The following CD38 variants were observed in gnomAD, a reference collection of about 807,000 sequenced individuals.
CD38 encodes the protein ADP-ribosyl cyclase/cyclic ADP-ribose hydrolase 1.
Under a neutral mutation model 36.3 loss-of-function variants are expected in CD38, and 31 were observed. The ratio of observed to expected loss-of-function variants is 0.85; its 90% CI spans 0.64 to 1.15. CD38 has a LOEUF of 1.15. CD38 is among the 50% of genes most tolerant of loss of function. CD38 has a pLI of 0.00. For missense variants in CD38, 380 were observed against 371.9 expected, an observed-to-expected ratio of 1.02 and a Z score of -0.18; for synonymous variants, 131 against 135.2, an observed-to-expected ratio of 0.97 and a Z score of 0.22.
intron 3 of CD38, chr4:15,825,428 A>T: frequency 5.4e-6 from 1 of 185,750 alleles, no homozygotes; most frequent in Non-Finnish European, 1.1e-5. Flanking sequence ...GTAAGAACTC[A>T]TTACTATAAG....
chr4:15,784,574 AG>A (rs1221041953), intron 1 of CD38, among the ~76,000 whole-genome samples: 2 of 152,166 alleles, frequency 1.3e-5, no homozygotes, highest in African/African-American at 4.8e-5. Context: ...CATTTTGCAC[AG>A]GACAGAATTC....
intron 5 of CD38, among the ~76,000 whole-genome samples, chr4:15,838,750 A>T (rs1012729470): frequency 6.6e-6 from 1 of 152,238 alleles, no homozygotes. Flanking sequence ...CATCTGTGTG[A>T]CCTCAGGCAG....
At chr4:15,807,194 G>A (rs1380424816) in intron 1 of CD38, among the ~76,000 whole-genome samples, 1 of 152,108 alleles carries the variant, frequency 6.6e-6, no homozygotes, top group Non-Finnish European at 1.5e-5. Flanking sequence ...AGATTTGGGG[G>A]AAAGGTTCAA....
chr4:15,799,710 G>A (rs1308092964), intron 1 of CD38, among the ~76,000 whole-genome samples: 1 of 152,186 alleles, frequency 6.6e-6, no homozygotes, highest in African/African-American at 2.4e-5. Flanking sequence ...ACAAGTTATT[G>A]TATGGACATA....
chr4:15,778,454 C>A lies in CD38; in HGVS notation c.40C>A (p.Pro14Thr), dbSNP rs746314417. 6.2e-7 allele frequency: 1 copy of A among 1,614,044 alleles called. No homozygotes were observed. Among genetic ancestry groups the A allele is most frequent in the Non-Finnish European group, 8.5e-7 (1 of 1,180,006 alleles). Reference protein sequence around the residue: ...CEFSPVSGDKPCCRLSRRAQL... With the variant: ...CEFSPVSGDKTCCRLSRRAQL... The stretch of plus-strand genomic sequence containing the variant: ...GTTCAGCCCGGTGTCCGGGGACAAA[C>A]CCTGCTGCCGGCTCTCTAGGAGAGC... Residue 14 changes from proline to threonine, a missense_variant, in exon 1 of 8, where the codon CCC becomes ACC. By Grantham distance (38) the Pro-to-Thr change is conservative. Transcript: ENST00000226279. The surrounding 1 kb of genome is among the most constrained non-coding windows in gnomAD (Gnocchi z 4.9).
rs762086977 is a variant in CD38 at position 15,778,574 on chromosome 4, G to A, written c.160G>A (p.Gly54Ser). ...PRWRQQWSGP[G>S]TTKRFPETVL... ...GTGGCGCCAGCAGTGGAGCGGTCCG[G>A]GCACCACCAAGCGCTTTCCCGAGAC... The change falls in exon 1 of 8, where the codon GGC (glycine) becomes AGC (serine). Residue 54 changes from glycine to serine, a missense_variant. By Grantham distance (56) the Gly-to-Ser change is moderately conservative. Coordinates refer to ENST00000226279, the MANE Select transcript of CD38 (RefSeq NM_001775.4). The surrounding 1 kb of genome is among the most constrained non-coding windows in gnomAD (Gnocchi z 4.9). The A allele has an allele frequency of 3.7e-6, 6 of 1,613,496 alleles. No homozygotes were observed. The highest frequency in any genetic ancestry group is 4.5e-5 in the East Asian group (2 of 44,872).
At chr4:15,831,531 G>A (rs1206036778) in intron 3 of CD38, among the ~76,000 whole-genome samples, 7 of 152,092 alleles carry the variant, frequency 4.6e-5, no homozygotes, top group African/African-American at 1.2e-4. Flanking sequence ...CAAGTTTGAA[G>A]GATATTTTCA....
chr4:15,838,222 A>C, intron 5 of CD38, 57 bp downstream of exon 5: 2 of 1,225,040 alleles, frequency 1.6e-6, no homozygotes, highest in Admixed American at 3.4e-5. Flanking sequence ...ATCACAGTGA[A>C]TATTTCATCT....
In CD38 at chr4:15,789,312, A is replaced by G. The variant is rs548924100; in HGVS notation, c.233+10665A>G. 3.9e-5 allele frequency among the ~76,000 whole-genome samples: 6 copies of G among 152,348 alleles called. No individual in the cohort carries two copies. In the South Asian group the frequency reaches 1.2e-3, roughly 32 times the overall value. ...TAGGGGAGACAGACATTGAAACAGA[A>G]AAATACATAGTATGGCAGATGGTGG... On this transcript the variant is annotated intron_variant, in intron 1 of 7. Transcript: ENST00000226279.
At chr4:15,779,930 A>G (rs1722653636) in intron 1 of CD38, among the ~76,000 whole-genome samples, 1 of 152,220 alleles carries the variant, frequency 6.6e-6, no homozygotes, top group Non-Finnish European at 1.5e-5. Context: ...ACAGGAAATT[A>G]GCTTGTTTCC....
At chr4:15,833,662 G>T (rs756394338) in intron 3 of CD38, among the ~76,000 whole-genome samples, 1 of 152,166 alleles carries the variant, frequency 6.6e-6, no homozygotes, top group Non-Finnish European at 1.5e-5. Flanking sequence ...CAATAAATGT[G>T]CATTAAGGCA....
intron 1 of CD38, among the ~76,000 whole-genome samples, chr4:15,795,749 T>C (rs2148917222): frequency 6.6e-6 from 1 of 152,284 alleles, no homozygotes; most frequent in African/African-American, 2.4e-5. Context: ...AGTTGTCTAC[T>C]CCCTGCTAGA....
rs534968824 is a variant in CD38 at position 15,811,528 on chromosome 4, GT to G, written c.234-4973del. Among the ~76,000 whole-genome samples the G allele has an allele frequency of 4.3e-4, 64 of 147,834 alleles. 1 individual carries two copies. The highest frequency in any genetic ancestry group is 1.3e-3 in the African/African-American group (51 of 40,388). ...CCTGCACCATTTGTTGAAAAGTGTT[GT>G]TTTTTTTTTCCCATTGAATGGCCTT... On this transcript the variant is annotated intron_variant, in intron 1 of 7. Transcript: ENST00000226279.
intron 1 of CD38, among the ~76,000 whole-genome samples, chr4:15,811,308 G>A (rs143437807): frequency 2.6e-5 from 4 of 152,232 alleles, no homozygotes; most frequent in Admixed American, 2.6e-4. Context: ...TTTTGTTGCT[G>A]TGCTTTTGGT....
intron 7 of CD38, among the ~76,000 whole-genome samples, chr4:15,840,802 A>G (rs1724190250): frequency 6.6e-6 from 1 of 152,020 alleles, no homozygotes; most frequent in Admixed American, 6.6e-5. Flanking sequence ...AGCTGACACA[A>G]CCTTTGATGG....
chr4:15,832,340 C>T (rs1112243), intron 3 of CD38, among the ~76,000 whole-genome samples: 8,914 of 152,156 alleles, frequency 0.059, 364 homozygotes, highest in East Asian at 0.18. Context: ...TATTTTTCTG[C>T]ATCTAGGCAT....
chr4:15,815,130 C>A (rs1282991183), intron 1 of CD38, among the ~76,000 whole-genome samples: 1 of 151,890 alleles, frequency 6.6e-6, no homozygotes, highest in Non-Finnish European at 1.5e-5. Flanking sequence ...TTTCATTGGT[C>A]TATATATCTG....
intron 1 of CD38, among the ~76,000 whole-genome samples, chr4:15,809,966 AAAAT>A (rs1170454278): frequency 1.3e-5 from 2 of 152,196 alleles, no homozygotes; most frequent in African/African-American, 2.4e-5. Flanking sequence ...CTTTAAGGAT[AAAAT>A]AAATAGTTTC....
chr4:15,850,379 T>G lies in CD38; in HGVS notation c.*1777T>G, dbSNP rs1041977399. ...ATTAATTTGAGACTCCTTCAGGGAA[T>G]GACCACAATTTATTGAAAATAGCCT... On this transcript the variant is annotated 3_prime_UTR_variant, in exon 8 of 8. Transcript: ENST00000226279. The G allele has an allele frequency of 7.2e-5, 11 of 152,228 alleles. No homozygotes were observed. The highest frequency in any genetic ancestry group is 2.7e-4 in the African/African-American group (11 of 41,464). 9.4% of individuals were successfully genotyped at this position (152,228 alleles called of 1,614,324 possible).
Sources: allele counts gnomAD v4.1 joint callset (sites outside exome capture counted in the v4.1 genomes callset), GRCh38; gene constraint gnomAD v4.1.1; non-coding constraint Gnocchi (gnomAD v3.1); transcripts MANE v1.5; gene names NCBI Gene and HGNC (gene_info 2026-07-23, HGNC 2026-07-21).